TMEM132D: variants seen among roughly 807,000 people sequenced by gnomAD.
The protein encoded by TMEM132D is transmembrane protein 132D, also known as mature OL transmembrane protein.
Under a neutral mutation model 62.3 loss-of-function variants are expected in TMEM132D, and 21 were observed. That is an observed-to-expected ratio of 0.34 (90% CI 0.24 to 0.49). The LOEUF (loss-of-function observed/expected upper bound fraction) is 0.49, where lower values mean the gene tolerates loss of function less well. TMEM132D is among the 20% of genes least tolerant of loss of function. The probability of loss-of-function intolerance (pLI) is 0.99; values close to 1 mark genes in which losing one functional copy is unlikely to be tolerated. For synonymous variants in TMEM132D, 621 were observed against 575.6 expected (o/e 1.08, Z -1.13); for missense variants, 1,346 against 1,402.8 (o/e 0.96, Z 0.65).
intron 3 of TMEM132D, among the ~76,000 whole-genome samples, chr12:129,365,706 G>T (rs548048944): frequency 3.3e-5 from 5 of 152,144 alleles, no homozygotes; most frequent in Non-Finnish European, 7.3e-5. Flanking sequence ...GAGGAGGCAG[G>T]CAGGTCTTTC....
intron 3 of TMEM132D, among the ~76,000 whole-genome samples, chr12:129,382,537 C>T (rs1292565712): frequency 6.6e-6 from 1 of 152,126 alleles, no homozygotes; most frequent in East Asian, 1.9e-4. Context: ...GAAATCCTGA[C>T]CATTTGATAA....
rs1872034236 is a variant in TMEM132D, at chr12:129,413,662, T to G, written c.1116-75845A>C. 2.0e-5 allele frequency among the ~76,000 whole-genome samples: 3 copies of G among 152,186 alleles called. No individual in the cohort carries two copies. In the South Asian group the frequency reaches 6.2e-4, roughly 31 times the overall value. ...TAGTCTTTTGAAAATGATAACACAT[T>G]TCCTAAGGTTTTGAGTTCCACAAAT... On this transcript the variant is annotated intron_variant, in intron 3 of 8. Coordinates refer to ENST00000422113, the MANE Select transcript of TMEM132D (RefSeq NM_133448.3).
intron 1 of TMEM132D, among the ~76,000 whole-genome samples, chr12:129,783,328 A>T (rs1871171960): frequency 2.0e-5 from 3 of 152,214 alleles, no homozygotes; most frequent in Non-Finnish European, 4.4e-5. Context: ...GAAACACACT[A>T]GAAAAAGTCT....
At chr12:129,258,818 G>A (rs59993183) in intron 4 of TMEM132D, among the ~76,000 whole-genome samples, 3,832 of 152,260 alleles carry the variant, frequency 0.025, 162 homozygotes, top group African/African-American at 0.087. Context: ...AAATAAATCT[G>A]CTAGATGAAT....
intron 1 of TMEM132D, among the ~76,000 whole-genome samples, chr12:129,888,456 G>C (rs1460372401): frequency 6.6e-6 from 1 of 152,158 alleles, no homozygotes; most frequent in Non-Finnish European, 1.5e-5. Flanking sequence ...CCAGCACTTT[G>C]AGAGACCGAG....
At chr12:129,168,460 A>G (rs1877626182) in intron 5 of TMEM132D, among the ~76,000 whole-genome samples, 1 of 152,070 alleles carries the variant, frequency 6.6e-6, no homozygotes, top group South Asian at 2.1e-4. Flanking sequence ...GTGGACCCCT[A>G]ATTTACTTTC....
At chr12:129,261,392 A>G (rs963844460) in intron 4 of TMEM132D, among the ~76,000 whole-genome samples, 5 of 152,132 alleles carry the variant, frequency 3.3e-5, no homozygotes, top group African/African-American at 1.2e-4. Flanking sequence ...ATAAAGGGCA[A>G]TTCATTTCCC....
chr12:129,531,676 C>G (rs1876230233), intron 2 of TMEM132D, among the ~76,000 whole-genome samples: 1 of 152,134 alleles, frequency 6.6e-6, no homozygotes, highest in African/African-American at 2.4e-5. Flanking sequence ...TAGCAAGGTT[C>G]CAAGCCCAAA....
intron 1 of TMEM132D, among the ~76,000 whole-genome samples, chr12:129,899,334 TG>T (rs201725953): frequency 8.6e-6 from 1 of 115,950 alleles, no homozygotes; most frequent in Non-Finnish European, 1.8e-5. Flanking sequence ...GATGGATGGA[TG>T]GATGGATGAT....
intron 1 of TMEM132D, among the ~76,000 whole-genome samples, chr12:129,768,972 AT>A: frequency 6.6e-6 from 1 of 152,204 alleles, no homozygotes; most frequent in East Asian, 1.9e-4. Context: ...GTTTCCAATT[AT>A]CCTTGAAAAG....
chr12:129,452,223 G>A lies in TMEM132D; in HGVS notation c.1115+78836C>T, dbSNP rs180695573. 1.5e-4 allele frequency among the ~76,000 whole-genome samples: 23 copies of A among 152,282 alleles called. 1 individual carries two copies. In the East Asian group the frequency reaches 2.1e-3, roughly 14 times the overall value. Reference sequence around the variant, plus strand: ...TGAGAAAAGGGCAGTGCGTAATAGCGCCTGTCTTGGAAAAAATGAATAACA... The same window carrying A: ...TGAGAAAAGGGCAGTGCGTAATAGCACCTGTCTTGGAAAAAATGAATAACA... On this transcript the variant is annotated intron_variant, in intron 3 of 8. Coordinates refer to ENST00000422113, the MANE Select transcript of TMEM132D (RefSeq NM_133448.3).
chr12:129,483,160 C>T (rs1022226629), intron 3 of TMEM132D, among the ~76,000 whole-genome samples: 1 of 152,186 alleles, frequency 6.6e-6, no homozygotes, highest in Non-Finnish European at 1.5e-5. Context: ...AGATATCTGT[C>T]ATTACGCTTC....
At chr12:129,811,839 G>C (rs1202757952) in intron 1 of TMEM132D, among the ~76,000 whole-genome samples, 6 of 151,666 alleles carry the variant, frequency 4.0e-5, no homozygotes, top group African/African-American at 1.5e-4. Flanking sequence ...CTGATGGCCA[G>C]CCAGAGCACT....
chr12:129,537,705 T>A (rs1054597877), intron 2 of TMEM132D, among the ~76,000 whole-genome samples: 3 of 152,138 alleles, frequency 2.0e-5, no homozygotes, highest in Non-Finnish European at 4.4e-5. Context: ...TAGAGAACAG[T>A]TCGAGGAGAC....
intron 1 of TMEM132D, among the ~76,000 whole-genome samples, chr12:129,725,352 A>G (rs1868992814): frequency 6.6e-6 from 1 of 152,236 alleles, no homozygotes. Flanking sequence ...AACAAAAAAT[A>G]AAAAATAAAA....
chr12:129,524,920 C>CTT (rs761892015), intron 3 of TMEM132D, among the ~76,000 whole-genome samples: 1,662 of 91,938 alleles, frequency 0.018, 250 homozygotes, highest in African/African-American at 0.052. Flanking sequence ...ATATTTTTTT[C>CTT]TTTTTTCTTT....
intron 1 of TMEM132D, among the ~76,000 whole-genome samples, chr12:129,816,425 C>T (rs1593173038): frequency 6.6e-6 from 1 of 152,120 alleles, no homozygotes; most frequent in South Asian, 2.1e-4. Context: ...AGATCACCAT[C>T]GCCCCGCTTC....
At chr12:129,459,485 A>G (rs1412131834) in intron 3 of TMEM132D, among the ~76,000 whole-genome samples, 1 of 152,164 alleles carries the variant, frequency 6.6e-6, no homozygotes, top group Admixed American at 6.5e-5. Context: ...CCAGTGAGCA[A>G]GACAGACCAT....
rs1289432468 is a variant in TMEM132D, at chr12:129,567,541, A to G, written c.969-36336T>C. Among the ~76,000 whole-genome samples the G allele has an allele frequency of 2.6e-5, 4 of 152,344 alleles. No individual in the cohort carries two copies. The South Asian group carries it at 6.2e-4, about 24-fold the overall frequency. On this transcript the variant is annotated intron_variant, in intron 2 of 8. Coordinates refer to ENST00000422113, the MANE Select transcript of TMEM132D (RefSeq NM_133448.3). ...CTGAATAGTCTAACTATACTTCAATAAAAACATTATTGCTACAGAGTGGAT... is the reference window on the plus strand; with the variant it reads ...CTGAATAGTCTAACTATACTTCAATGAAAACATTATTGCTACAGAGTGGAT...
Sources: allele counts gnomAD v4.1 joint callset (sites outside exome capture counted in the v4.1 genomes callset), GRCh38; gene constraint gnomAD v4.1.1; transcripts MANE v1.5; gene names NCBI Gene and HGNC (gene_info 2026-07-23, HGNC 2026-07-21).